The following TTC28 variants were observed in gnomAD, a reference collection of about 807,000 sequenced individuals.
TTC28 encodes the protein tetratricopeptide repeat protein 28.
A neutral mutation model predicts 198.0 loss-of-function variants in TTC28; 61 were observed. That is an observed-to-expected ratio of 0.31 (90% CI 0.25 to 0.38). TTC28 has a LOEUF of 0.38. TTC28 is among the 10% of genes least tolerant of loss of function. TTC28 has a pLI of 1.00. For synonymous variants in TTC28, 1,171 were observed against 1,297.8 expected (o/e 0.90, Z 2.10); for missense variants, 2,678 against 3,164.0 (o/e 0.85, Z 3.69).
intron 1 of TTC28, among the ~76,000 whole-genome samples, chr22:28,653,389 G>C (rs1446642539): frequency 6.6e-6 from 1 of 151,988 alleles, no homozygotes; most frequent in East Asian, 1.9e-4. Flanking sequence ...CGTAGTCCCA[G>C]CTACTCACGA....
chr22:28,296,899 G>A (rs962682818), intron 4 of TTC28, among the ~76,000 whole-genome samples: 4 of 152,274 alleles, frequency 2.6e-5, no homozygotes, highest in Non-Finnish European at 5.9e-5. Context: ...AAGTGGCAGA[G>A]CCAGGATTCT....
intron 11 of TTC28, among the ~76,000 whole-genome samples, chr22:28,095,073 G>C: frequency 6.6e-6 from 1 of 152,024 alleles, no homozygotes. Context: ...ACAGAGAGAA[G>C]GAGTTTGATA....
chr22:27,985,495 C>G (rs1002693813), intron 21 of TTC28, 139 bp from the exon 22 acceptor site: 1 of 655,410 alleles, frequency 1.5e-6, no homozygotes, highest in African/African-American at 1.8e-5. Context: ...TGGGGCTTCC[C>G]CATGTCTGCA....
At chr22:28,588,141 CAAAA>C (rs59061860) in intron 2 of TTC28, among the ~76,000 whole-genome samples, 2 of 138,812 alleles carry the variant, frequency 1.4e-5, no homozygotes, top group African/African-American at 5.6e-5. Flanking sequence ...GACTCCGTCT[CAAAA>C]AAAAAAACAA....
chr22:28,566,191 CA>C (rs1219150560), intron 2 of TTC28, among the ~76,000 whole-genome samples: 2 of 152,258 alleles, frequency 1.3e-5, no homozygotes, highest in East Asian at 3.9e-4. Context: ...TTTAGGCAGT[CA>C]AAACAGTTCA....
At chr22:28,532,188 G>T (rs2049155391) in intron 2 of TTC28, among the ~76,000 whole-genome samples, 1 of 151,562 alleles carries the variant, frequency 6.6e-6, no homozygotes, top group Non-Finnish European at 1.5e-5. Flanking sequence ...AAAGAGAGAA[G>T]AATCAAATAG....
intron 17 of TTC28, among the ~76,000 whole-genome samples, chr22:27,995,594 CAG>C (rs922789501): frequency 2.0e-5 from 3 of 152,312 alleles, no homozygotes; most frequent in South Asian, 2.1e-4. Flanking sequence ...GACTTGGACT[CAG>C]GGGCAGACTG....
chr22:28,388,085 C>T (rs979143210), intron 2 of TTC28, among the ~76,000 whole-genome samples: 9 of 152,120 alleles, frequency 5.9e-5, no homozygotes, highest in East Asian at 1.9e-4. Context: ...TTCCAAGCAC[C>T]GGTTATTAAA....
chr22:28,011,782 G>A (rs1298795132), intron 14 of TTC28, among the ~76,000 whole-genome samples: 1 of 152,066 alleles, frequency 6.6e-6, no homozygotes, highest in Non-Finnish European at 1.5e-5. Context: ...CAAAGAGGAG[G>A]TGACACCTCA....
chr22:28,153,395 TAAAAAAAA>T (rs55726442), intron 6 of TTC28, among the ~76,000 whole-genome samples: 3 of 97,146 alleles, frequency 3.1e-5, no homozygotes, highest in East Asian at 3.4e-4. Context: ...CTCAAAGAAT[TAAAAAAAA>T]AAAAAAAAAA....
At chr22:28,516,097 G>C (rs2035810098) in intron 2 of TTC28, among the ~76,000 whole-genome samples, 1 of 149,740 alleles carries the variant, frequency 6.7e-6, no homozygotes, top group Non-Finnish European at 1.5e-5. Flanking sequence ...AGTGAGCTGA[G>C]ATCTGCCATT....
chr22:28,395,541 C>T lies in TTC28; in HGVS notation c.382-88898G>A, dbSNP rs186395775. ...CAGCTACTCGGGAGGCTGAGGCAGG[C>T]GAATGGCATAAACCCAGGAGGCAGA... On this transcript the variant is annotated intron_variant, in intron 2 of 22. Transcript: ENST00000397906. Among the ~76,000 whole-genome samples, 7 of 149,710 alleles carry T rather than the reference C, an allele frequency of 4.7e-5. No homozygotes were observed. The East Asian group carries it at 7.9e-4, about 17-fold the overall frequency.
chr22:28,229,141 G>A (rs1928604889), intron 5 of TTC28, among the ~76,000 whole-genome samples: 1 of 152,160 alleles, frequency 6.6e-6, no homozygotes, highest in African/African-American at 2.4e-5. Flanking sequence ...GGGCGACAGA[G>A]CAAGACTCCA....
At chr22:28,150,573 A>G (rs970553958) in intron 6 of TTC28, among the ~76,000 whole-genome samples, 6 of 152,228 alleles carry the variant, frequency 3.9e-5, no homozygotes, top group Non-Finnish European at 1.5e-5. Flanking sequence ...AAATGATTCC[A>G]GAAGAAAGAC....
intron 2 of TTC28, among the ~76,000 whole-genome samples, chr22:28,502,322 T>C (rs2146369590): frequency 6.6e-6 from 1 of 152,194 alleles, no homozygotes; most frequent in South Asian, 2.1e-4. Context: ...GTAGGAATCG[T>C]GCAGGATCCT....
chr22:28,094,842 C>A (rs1025999042), intron 11 of TTC28, among the ~76,000 whole-genome samples: 1 of 152,014 alleles, frequency 6.6e-6, no homozygotes, highest in East Asian at 1.9e-4. Flanking sequence ...GGTTTTCTGG[C>A]GATAAATAGG....
intron 16 of TTC28, 116 bp from the exon 17 acceptor site, chr22:27,996,375 G>T (rs1187846116): frequency 1.5e-5 from 21 of 1,428,260 alleles, no homozygotes; most frequent in Non-Finnish European, 1.8e-5. Flanking sequence ...GCAGGGCCTG[G>T]CAGGGGAGCA....
chr22:28,493,747 C>A (rs695567), intron 2 of TTC28, among the ~76,000 whole-genome samples: 83,068 of 151,880 alleles, frequency 0.55, 23,171 homozygotes, highest in African/African-American at 0.58. Flanking sequence ...TGCAATTATG[C>A]TTCTGACAAG....
At chr22:28,540,365 C>T (rs2049386870) in intron 2 of TTC28, among the ~76,000 whole-genome samples, 1 of 152,060 alleles carries the variant, frequency 6.6e-6, no homozygotes, top group Admixed American at 6.6e-5. Context: ...TTTAAATGAC[C>T]TGGTCTCACA....
Sources: allele counts gnomAD v4.1 joint callset (sites outside exome capture counted in the v4.1 genomes callset), GRCh38; gene constraint gnomAD v4.1.1; transcripts MANE v1.5; gene names NCBI Gene and HGNC (gene_info 2026-07-23, HGNC 2026-07-21).